The following SLC22A9 variants were observed in gnomAD, a reference collection of about 807,000 sequenced individuals.
The protein encoded by SLC22A9 is solute carrier family 22 member 9, also known as organic anion transporter 7.
Under a neutral mutation model 50.1 loss-of-function variants are expected in SLC22A9, and 64 were observed. The ratio of observed to expected loss-of-function variants is 1.28; its 90% CI spans 1.04 to 1.57. SLC22A9 has a LOEUF of 1.57. SLC22A9 is among the 40% of genes most tolerant of loss of function. The pLI, the probability that SLC22A9 is intolerant of heterozygous loss-of-function variation, is 0.00. For synonymous variants in SLC22A9, 261 were observed against 242.5 expected (o/e 1.08, Z -0.71); for missense variants, 757 against 676.1 (o/e 1.12, Z -1.33).
chr11:63,384,258 A>G (rs904804623), intron 6 of SLC22A9, among the ~76,000 whole-genome samples: 1 of 152,064 alleles, frequency 6.6e-6, no homozygotes, highest in African/African-American at 2.4e-5. Flanking sequence ...TAAGCCCAGT[A>G]TGCATTAGCT....
chr11:63,387,534 A>G (rs1012600556), intron 6 of SLC22A9, among the ~76,000 whole-genome samples: 5 of 152,110 alleles, frequency 3.3e-5, no homozygotes, highest in African/African-American at 1.2e-4. Context: ...TGTCTGTACC[A>G]TGCTGTTTTG....
chr11:63,378,998 A>G (rs1331351009), intron 5 of SLC22A9, among the ~76,000 whole-genome samples: 1 of 152,220 alleles, frequency 6.6e-6, no homozygotes, highest in East Asian at 1.9e-4. Flanking sequence ...GACATTTTTT[A>G]TAGAATTAGA....
At chr11:63,393,342 C>G (rs1391461528) in intron 6 of SLC22A9, among the ~76,000 whole-genome samples, 2 of 152,100 alleles carry the variant, frequency 1.3e-5, no homozygotes, top group Non-Finnish European at 1.5e-5. Context: ...AATTTTGTAT[C>G]TGGAAACTTT....
chr11:63,375,798 G>A (rs1230816049), intron 5 of SLC22A9, 30 bp downstream of exon 5: 10 of 1,606,096 alleles, frequency 6.2e-6, no homozygotes, highest in Non-Finnish European at 8.5e-6. Flanking sequence ...GATATGGGAT[G>A]TAGGGAAGAC....
intron 1 of SLC22A9, 134 bp downstream of exon 1, chr11:63,370,592 C>A: frequency 9.6e-7 from 1 of 1,038,538 alleles, no homozygotes; most frequent in South Asian, 2.2e-5. Flanking sequence ...CTAATTGCTT[C>A]TTTATTAAAT....
rs2015042567 is a variant in SLC22A9, at chr11:63,406,566, G to T, written c.1143G>T (p.Leu381=). 1 of 1,613,660 alleles carries T rather than the reference G, an allele frequency of 6.2e-7. No individual in the cohort carries two copies. Among genetic ancestry groups the T allele is most frequent in the Non-Finnish European group, 8.5e-7 (1 of 1,179,816 alleles). The part of the protein sequence containing the change: ...HVQHLGNNVF[L]LQTLFGAVIL... ...AGCATCTGGGGAACAATGTTTTCCT[G>T]TTGCAGACTCTCTTTGGTGCAGTCA... The change falls in exon 7 of 10, where the codon CTG becomes CTT. Residue 381 remains leucine (L), a synonymous_variant. Coordinates refer to ENST00000279178, the MANE Select transcript of SLC22A9 (RefSeq NM_080866.3).
At chr11:63,387,086 A>T (rs1008760441) in intron 6 of SLC22A9, among the ~76,000 whole-genome samples, 6 of 151,968 alleles carry the variant, frequency 3.9e-5, no homozygotes, top group African/African-American at 1.2e-4. Flanking sequence ...AGATTCTGGT[A>T]TGTTGTCTCT....
intron 2 of SLC22A9, among the ~76,000 whole-genome samples, chr11:63,372,833 C>A (rs943029015): frequency 6.6e-6 from 1 of 152,110 alleles, no homozygotes; most frequent in Non-Finnish European, 1.5e-5. Flanking sequence ...AGTAAACTTA[C>A]ATCCTGCCAA....
chr11:63,375,629 T>C lies in SLC22A9; in HGVS notation c.831-16T>C. The C allele has an allele frequency of 1.2e-6, 2 of 1,610,302 alleles. No homozygotes were observed. The highest frequency in any genetic ancestry group is 1.1e-5 in the South Asian group (1 of 90,752). On this transcript the variant is annotated splice_polypyrimidine_tract_variant and intron_variant, in intron 4 of 9. Coordinates refer to ENST00000279178, the MANE Select transcript of SLC22A9 (RefSeq NM_080866.3). Reference sequence around the variant, plus strand: ...AAGTGAAAGTCGACTGCCCCTCTGTTCTCTTCCTTGGTCAGTTGGCTGCTA... The same window carrying C: ...AAGTGAAAGTCGACTGCCCCTCTGTCCTCTTCCTTGGTCAGTTGGCTGCTA...
intron 6 of SLC22A9, among the ~76,000 whole-genome samples, chr11:63,383,682 A>C (rs1279580289): frequency 6.6e-6 from 1 of 152,146 alleles, no homozygotes; most frequent in Non-Finnish European, 1.5e-5. Flanking sequence ...ACTGACCATA[A>C]AGAGAGGTAT....
chr11:63,405,818 G>T (rs2120019333), intron 6 of SLC22A9, among the ~76,000 whole-genome samples: 1 of 152,184 alleles, frequency 6.6e-6, no homozygotes, highest in African/African-American at 2.4e-5. Flanking sequence ...ATTGGCTTTA[G>T]AATACTAATA....
At chr11:63,390,027 GT>G (rs927500814) in intron 6 of SLC22A9, among the ~76,000 whole-genome samples, 11 of 151,466 alleles carry the variant, frequency 7.3e-5, no homozygotes, top group Non-Finnish European at 1.5e-4. Flanking sequence ...TGATGGGGTT[GT>G]TTTTTCTGGT....
rs1178885380 is a variant in SLC22A9, at chr11:63,375,694, G to A, written c.880G>A (p.Glu294Lys). 1 of 1,612,706 alleles carries A rather than the reference G, an allele frequency of 6.2e-7. No individual in the cohort carries two copies. Among genetic ancestry groups the A allele is most frequent in the East Asian group, 2.2e-5 (1 of 44,850 alleles). The change falls in exon 5 of 10, where the codon GAA (glutamate) becomes AAA (lysine). Residue 294 changes from glutamate to lysine, a missense_variant. By Grantham distance (56) the Glu-to-Lys change is moderately conservative. Coordinates refer to ENST00000279178, the MANE Select transcript of SLC22A9 (RefSeq NM_080866.3). ...GCTCATTATCAACAATAAACCAGAG[G>A]AAGGCTTAAAGGAACTTAGAAAAGC... ...RWLIINNKPEEGLKELRKAAH... is the reference protein window; with the variant it reads ...RWLIINNKPEKGLKELRKAAH...
At chr11:63,397,767 C>T (rs1332309089) in intron 6 of SLC22A9, among the ~76,000 whole-genome samples, 1 of 152,064 alleles carries the variant, frequency 6.6e-6, no homozygotes, top group African/African-American at 2.4e-5. Flanking sequence ...CTGAGAATTA[C>T]CTTTCAGGGA....
At position 63,382,037 on chromosome 11, in the gene SLC22A9, A is replaced by T. The variant is rs912843871; in HGVS notation, c.955-122A>T. ...CACATATCATTGCATTTTAAGGCTT[A>T]TATTTTCCACCAGACAGAAAGTGCA... On this transcript the variant is annotated intron_variant, in intron 5 of 9. Transcript: ENST00000279178. The T allele has an allele frequency of 3.4e-5, 23 of 673,174 alleles. No homozygotes were observed. The African/African-American group carries it at 4.0e-4, about 12-fold the overall frequency. The allele number at this position is 673,174 out of a possible 1,614,324, so 41.7% of individuals were successfully genotyped here.
chr11:63,387,539 G>GT (rs1565185247), intron 6 of SLC22A9, among the ~76,000 whole-genome samples: 1 of 152,056 alleles, frequency 6.6e-6, no homozygotes, highest in Non-Finnish European at 1.5e-5. Flanking sequence ...GTACCATGCT[G>GT]TTTTGGCTAC....
intron 6 of SLC22A9, among the ~76,000 whole-genome samples, chr11:63,388,707 T>C (rs1196765709): frequency 2.1e-5 from 3 of 142,860 alleles, no homozygotes; most frequent in African/African-American, 5.3e-5. Context: ...TTGGAAGTAT[T>C]CCCTCCACCT....
At chr11:63,409,119 A>G (rs2015091901) in intron 9 of SLC22A9, among the ~76,000 whole-genome samples, 1 of 152,170 alleles carries the variant, frequency 6.6e-6, no homozygotes, top group African/African-American at 2.4e-5. Context: ...AGGAGGCTTC[A>G]TAGTGAAGAA....
At chr11:63,388,827 C>G (rs2014713071) in intron 6 of SLC22A9, among the ~76,000 whole-genome samples, 1 of 151,914 alleles carries the variant, frequency 6.6e-6, no homozygotes, top group Admixed American at 6.6e-5. Context: ...GCTGAAAGAC[C>G]TTTTATTATA....
Sources: gnomAD v4.1 joint callset for allele counts (sites outside exome capture counted in the v4.1 genomes callset) on GRCh38, gnomAD v4.1.1 for gene constraint, MANE v1.5 for transcripts, NCBI Gene and HGNC (gene_info 2026-07-23, HGNC 2026-07-21) for gene names.